The following RBFOX1 variants were observed in gnomAD, a reference collection of about 807,000 sequenced individuals.
RBFOX1 encodes the protein RNA binding protein fox-1 homolog 1.
Under a neutral mutation model 57.7 loss-of-function variants are expected in RBFOX1, and 8 were observed. The ratio of observed to expected loss-of-function variants is 0.14; its 90% CI spans 0.08 to 0.25. RBFOX1 has a LOEUF of 0.25. RBFOX1 is among the 10% of genes least tolerant of loss of function. The pLI is 1.00. For synonymous variants in RBFOX1, 326 were observed against 222.4 expected (o/e 1.47, Z -4.15); for missense variants, 611 against 548.5 (o/e 1.11, Z -1.14).
At chr16:6,120,516 C>T (rs1042692499) in intron 1 of RBFOX1, among the ~76,000 whole-genome samples, 24 of 151,984 alleles carry the variant, frequency 1.6e-4, no homozygotes, top group Non-Finnish European at 7.4e-5. Flanking sequence ...TTGGGTGGGT[C>T]GTATAATTTG....
chr16:7,055,185 C>T (rs1037253719), intron 4 of RBFOX1, among the ~76,000 whole-genome samples: 1 of 151,956 alleles, frequency 6.6e-6, no homozygotes, highest in Non-Finnish European at 1.5e-5. Flanking sequence ...CTTTAATTTG[C>T]AAAAATGAAA....
chr16:7,053,321 G>A (rs908899293), intron 4 of RBFOX1, among the ~76,000 whole-genome samples: 11 of 152,128 alleles, frequency 7.2e-5, no homozygotes, highest in Non-Finnish European at 1.0e-4. Flanking sequence ...TACCTGTGCC[G>A]ACATTCGTTG....
intron 4 of RBFOX1, among the ~76,000 whole-genome samples, chr16:7,349,665 A>G (rs1341405305): frequency 1.3e-5 from 2 of 152,146 alleles, no homozygotes; most frequent in African/African-American, 4.8e-5. Context: ...GTTCAGAAAG[A>G]CGGATGGCTG....
intron 13 of RBFOX1, chr16:7,671,582 G>C: frequency 6.2e-7 from 1 of 1,612,016 alleles, no homozygotes. Flanking sequence ...GCCTGTGTAT[G>C]GCAATAAATT....
At chr16:6,522,660 T>C (rs533982654) in intron 2 of RBFOX1, among the ~76,000 whole-genome samples, 1 of 152,264 alleles carries the variant, frequency 6.6e-6, no homozygotes, top group Admixed American at 6.5e-5. Context: ...TTAATACTAA[T>C]AACCAGGTTA....
At chr16:7,484,284 C>T (rs1001144417) in intron 4 of RBFOX1, among the ~76,000 whole-genome samples, 1 of 152,152 alleles carries the variant, frequency 6.6e-6, no homozygotes, top group African/African-American at 2.4e-5. Context: ...ATTAAGAATG[C>T]TGTGGAATTT....
At chr16:5,389,515 C>T (rs893291534) in intron 1 of RBFOX1, among the ~76,000 whole-genome samples, 4 of 152,146 alleles carry the variant, frequency 2.6e-5, no homozygotes, top group Non-Finnish European at 5.9e-5. Context: ...GGCAAAGTCA[C>T]TCCAGCTGAA....
At chr16:7,023,783 C>T (rs1024343029) in intron 3 of RBFOX1, among the ~76,000 whole-genome samples, 1 of 151,994 alleles carries the variant, frequency 6.6e-6, no homozygotes, top group African/African-American at 2.4e-5. Context: ...CAAATACAGC[C>T]TCGGCATCCT....
intron 3 of RBFOX1, among the ~76,000 whole-genome samples, chr16:6,903,241 A>G (rs1056112986): frequency 2.0e-5 from 3 of 152,180 alleles, no homozygotes; most frequent in African/African-American, 7.2e-5. Flanking sequence ...AGCTATTTAG[A>G]GGCCATTGTA....
chr16:7,044,197 A>T (rs1401318146), intron 3 of RBFOX1, among the ~76,000 whole-genome samples: 3 of 152,040 alleles, frequency 2.0e-5, no homozygotes, highest in African/African-American at 7.2e-5. Flanking sequence ...ATGGGTGTGT[A>T]TGTGTGTGAG....
Position 5,289,283 on chromosome 16 carries a change from T to C in RBFOX1, c.219+49178T>C, listed in dbSNP as rs189412618. ...TTCATCATTGGGCACCCAGGCATCA[T>C]GGGCATGTGGCCTCCCATGGTCAGC... On this transcript the variant is annotated intron_variant, in intron 1 of 2. Coordinates refer to the RBFOX1 transcript ENST00000585867. 1.9e-4 allele frequency: 79 copies of C among 412,876 alleles called. 2 individuals are homozygous for C. The highest frequency in any genetic ancestry group is 3.1e-4 in the Non-Finnish European group (67 of 214,416). The allele number at this position is 412,876 out of a possible 1,614,324, so 25.6% of individuals were successfully genotyped here.
intron 4 of RBFOX1, among the ~76,000 whole-genome samples, chr16:7,093,885 C>T (rs1468661808): frequency 6.6e-6 from 1 of 151,848 alleles, no homozygotes; most frequent in East Asian, 1.9e-4. Flanking sequence ...TGACACAAAA[C>T]TCATTGAATA....
intron 1 of RBFOX1, among the ~76,000 whole-genome samples, chr16:6,169,581 A>T (rs1397674760): frequency 6.6e-6 from 1 of 152,168 alleles, no homozygotes; most frequent in Non-Finnish European, 1.5e-5. Context: ...GTATAGACAA[A>T]AAAAGGGAAA....
At chr16:6,213,729 A>G (rs772695114) in intron 1 of RBFOX1, among the ~76,000 whole-genome samples, 2 of 152,232 alleles carry the variant, frequency 1.3e-5, no homozygotes, top group Non-Finnish European at 2.9e-5. Context: ...GAACCACCCC[A>G]ACTTGTATCC....
At chr16:6,776,336 A>C (rs954611620) in intron 3 of RBFOX1, among the ~76,000 whole-genome samples, 1 of 152,090 alleles carries the variant, frequency 6.6e-6, no homozygotes, top group Non-Finnish European at 1.5e-5. Context: ...GTGTGAACCC[A>C]GGAGGGAGAG....
At chr16:6,462,975 T>C (rs1597599119) in intron 2 of RBFOX1, among the ~76,000 whole-genome samples, 2 of 152,336 alleles carry the variant, frequency 1.3e-5, no homozygotes, top group East Asian at 3.9e-4. Context: ...TCACCTTAGC[T>C]TGTGAAACTT....
rs577476400 is a variant in RBFOX1 at position 6,589,989 on chromosome 16, C to T, written c.-63-64614C>T. On this transcript the variant is annotated intron_variant, in intron 2 of 15. Coordinates refer to ENST00000550418, the MANE Select transcript of RBFOX1 (RefSeq NM_018723.4). ...ACCACAATTTCCAGTCACTCCTCTT[C>T]TGATAGAAAGGCCAAGAAGTAGCTC... 8.5e-4 allele frequency among the ~76,000 whole-genome samples: 130 copies of T among 152,246 alleles called. 1 individual carries two copies. The highest frequency in any genetic ancestry group is 2.9e-3 in the African/African-American group (120 of 41,544).
At chr16:5,265,232 G>C (rs2062829255) in intron 1 of RBFOX1, among the ~76,000 whole-genome samples, 1 of 152,122 alleles carries the variant, frequency 6.6e-6, no homozygotes, top group Non-Finnish European at 1.5e-5. Context: ...GCTTAGCCAA[G>C]ACTTGGACTA....
chr16:7,249,836 T>C (rs1237254753), intron 4 of RBFOX1, among the ~76,000 whole-genome samples: 2 of 152,206 alleles, frequency 1.3e-5, no homozygotes, highest in Non-Finnish European at 2.9e-5. Flanking sequence ...GTGGAAATAC[T>C]TGAATAAAGG....
Sources: gnomAD v4.1 joint callset for allele counts (sites outside exome capture counted in the v4.1 genomes callset) on GRCh38, gnomAD v4.1.1 for gene constraint, MANE v1.5 for transcripts, NCBI Gene and HGNC (gene_info 2026-07-23, HGNC 2026-07-21) for gene names.